CD109: variants seen among roughly 807,000 people sequenced by gnomAD.
CD109 encodes the protein CD109 molecule, also known as CD109 antigen.
Under a neutral mutation model 165.8 loss-of-function variants are expected in CD109, and 149 were observed. The observed-to-expected ratio is 0.90, with a 90% CI of 0.79 to 1.03. CD109 has a LOEUF of 1.03. CD109 is among the 50% of genes least tolerant of loss of function. The pLI is 0.00. For missense variants in CD109, 1,712 were observed against 1,677.8 expected, an observed-to-expected ratio of 1.02 and a Z score of -0.36; for synonymous variants, 585 against 592.1, an observed-to-expected ratio of 0.99 and a Z score of 0.18.
upstream of CD109, chr6:73,694,657 G>A (rs997707279): frequency 2.0e-4 from 31 of 152,226 alleles, no homozygotes; most frequent in African/African-American, 7.0e-4. Flanking sequence ...GTCTGCTAAA[G>A]TAAAGCAGAA....
chr6:73,681,242 G>A, the CD109 span, among the ~76,000 whole-genome samples: 1 of 151,822 alleles, frequency 6.6e-6, no homozygotes, highest in Admixed American at 6.6e-5. Context: ...TGTGATATAT[G>A]TGATGTTTGA....
In CD109 at chr6:73,700,790, G is replaced by GTTTTTTTTTTTTTT. The variant is rs58140668; in HGVS notation, c.247+3234_247+3247dup. ...CTACATTTATTGGGGATTGATTGTA[G>GTTTTTTTTTTTTTT]TTTTTTTTTTTTTTTTTTTTTTTTT... On this transcript the variant is annotated intron_variant, in intron 2 of 32. Transcript: ENST00000287097. 9.7e-5 allele frequency among the ~76,000 whole-genome samples: 5 copies of GTTTTTTTTTTTTTT among 51,478 alleles called. 1 individual carries two copies. The highest frequency in any genetic ancestry group is 2.4e-4 in the African/African-American group (3 of 12,442). The allele number at this position is 51,478 out of a possible 152,430, so 33.8% of individuals were successfully genotyped here.
intron 22 of CD109, among the ~76,000 whole-genome samples, chr6:73,791,190 T>TATATATATATATATATATATAC (rs1352766740): frequency 1.5e-4 from 2 of 13,534 alleles, no homozygotes; most frequent in African/African-American, 4.7e-4. Flanking sequence ...CACACACACA[T>TATATATATATATATATATATAC]ACATATATAT....
intron 22 of CD109, 139 bp downstream of exon 22, chr6:73,788,751 ATTATAAT>A (rs1774799123): frequency 1.2e-5 from 8 of 676,964 alleles, no homozygotes; most frequent in Non-Finnish European, 1.9e-5. Context: ...CCAACAACTC[ATTATAAT>A]ATGAAGGCTA....
intron 24 of CD109, among the ~76,000 whole-genome samples, chr6:73,805,395 C>T (rs575190339): frequency 6.6e-6 from 1 of 152,338 alleles, no homozygotes; most frequent in Admixed American, 6.5e-5. Flanking sequence ...GCCCGCATGT[C>T]CCACCTCCAG....
chr6:73,692,131 A>G (rs1582017345), upstream of CD109, among the ~76,000 whole-genome samples: 1 of 152,234 alleles, frequency 6.6e-6, no homozygotes, highest in East Asian at 1.9e-4. Context: ...ATCTGCCCCC[A>G]TGATTCAATC....
rs184405769 is a variant in CD109 at position 73,767,416 on chromosome 6, C to T, written c.1497+406C>T. ...TCTTTTTTATAGCTGCATAGTATTC[C>T]GTAGTATATGTGCACCACGTTTTCT... is the stretch of plus-strand genomic sequence containing the variant. On this transcript the variant is annotated intron_variant, in intron 13 of 32. Transcript: ENST00000287097. Among the ~76,000 whole-genome samples, 52 of 152,206 alleles carry T rather than the reference C, an allele frequency of 3.4e-4. No individual in the cohort carries two copies. In the East Asian group the frequency reaches 7.3e-3, roughly 21 times the overall value.
intron 24 of CD109, among the ~76,000 whole-genome samples, chr6:73,806,175 T>C (rs1264022915): frequency 6.6e-6 from 1 of 152,128 alleles, no homozygotes; most frequent in African/African-American, 2.4e-5. Flanking sequence ...TGGAATACTA[T>C]GCAGCCATAA....
At chr6:73,781,777 A>G (rs1286452652) in intron 17 of CD109, among the ~76,000 whole-genome samples, 1 of 150,314 alleles carries the variant, frequency 6.7e-6, no homozygotes, top group Non-Finnish European at 1.5e-5. Context: ...ACACAGACAC[A>G]GACACACACA....
In CD109 at chr6:73,827,065, T is replaced by A. The variant is rs2150318661; in HGVS notation, c.*3432T>A. On this transcript the variant is annotated 3_prime_UTR_variant, in exon 33 of 33. Transcript: ENST00000287097. The stretch of plus-strand genomic sequence containing the variant: ...ATTTTTTAAAAAAGAATTATTTTAT[T>A]AACCTGCTGGCATATAATCTGGAGT... 1 of 152,342 alleles carries A rather than the reference T, an allele frequency of 6.6e-6. No individual in the cohort carries two copies. The highest frequency in any genetic ancestry group is 1.5e-5 in the Non-Finnish European group (1 of 68,020). 9.4% of individuals were successfully genotyped at this position (152,342 alleles called of 1,614,324 possible).
Position 73,812,271 on chromosome 6 carries a change from G to A in CD109, c.3768+1G>A, listed in dbSNP as rs748375798. ...TGGTTTTGGATTTGCTATTTGTCAG[G>A]TATGTAACGATGCTTATTTTTTTAA... On this transcript the variant is annotated splice_donor_variant, in intron 29 of 32. Coordinates refer to ENST00000287097, the MANE Select transcript of CD109 (RefSeq NM_133493.5). LOFTEE classifies it high-confidence loss of function. 5.9e-5 allele frequency: 94 copies of A among 1,591,708 alleles called. 1 individual carries two copies. The highest frequency in any genetic ancestry group is 1.7e-4 in the Admixed American group (10 of 59,244).
chr6:73,719,235 A>T (rs939350869), intron 2 of CD109, among the ~76,000 whole-genome samples: 7 of 152,220 alleles, frequency 4.6e-5, no homozygotes, highest in African/African-American at 1.7e-4. Flanking sequence ...AAGAGTTGCT[A>T]GTTAATCTTG....
the CD109 span, among the ~76,000 whole-genome samples, chr6:73,683,020 G>A: frequency 6.6e-6 from 1 of 152,208 alleles, no homozygotes; most frequent in Admixed American, 6.5e-5. Flanking sequence ...GGGAGGGGCT[G>A]CTGCAAAGTT....
At chr6:73,796,699 T>G (rs1775177801) in intron 23 of CD109, among the ~76,000 whole-genome samples, 1 of 152,146 alleles carries the variant, frequency 6.6e-6, no homozygotes, top group Non-Finnish European at 1.5e-5. Context: ...ATCATCCTAA[T>G]GTGGATATTG....
chr6:73,695,380 G>A (rs1370891722), upstream of CD109: 2 of 152,254 alleles, frequency 1.3e-5, no homozygotes, highest in Admixed American at 6.5e-5. Flanking sequence ...ATTCTGACAG[G>A]AGAGCCAACC....
chr6:73,764,467 C>T (rs1773757960), intron 10 of CD109, among the ~76,000 whole-genome samples: 1 of 152,144 alleles, frequency 6.6e-6, no homozygotes, highest in African/African-American at 2.4e-5. Context: ...TGTTTACAAA[C>T]ATACTGGATT....
chr6:73,789,536 C>T lies in CD109; in HGVS notation c.2701+924C>T, dbSNP rs189413653. ...TGGCGCGAACTTGGCTCACTGCAAG[C>T]TCTGCTTCCCAGGTTCACGCCATTC... On this transcript the variant is annotated intron_variant, in intron 22 of 32. Coordinates refer to ENST00000287097, the MANE Select transcript of CD109 (RefSeq NM_133493.5). 6.5e-3 allele frequency among the ~76,000 whole-genome samples: 982 copies of T among 151,948 alleles called. 7 individuals carry two copies. Among genetic ancestry groups the T allele is most frequent in the African/African-American group, 0.022 (900 of 41,454 alleles).
Position 73,758,229 on chromosome 6 carries a change from T to C in CD109, c.674-715T>C, listed in dbSNP as rs898578768. 1.1e-4 allele frequency among the ~76,000 whole-genome samples: 16 copies of C among 152,264 alleles called. No homozygotes were observed. The South Asian group carries it at 3.3e-3, about 32-fold the overall frequency. On this transcript the variant is annotated intron_variant, in intron 6 of 32. Coordinates refer to ENST00000287097, the MANE Select transcript of CD109 (RefSeq NM_133493.5). ...TGATACTTCTCTTATGTTAATTGAA[T>C]GGTGAGGTGCCTTGTTATGAGAGTG...
chr6:73,780,566 G>A (rs1774446833), intron 16 of CD109, 68 bp downstream of exon 16: 3 of 1,008,704 alleles, frequency 3.0e-6, no homozygotes, highest in African/African-American at 1.6e-5. Context: ...TTCAGAATTA[G>A]TGATCATTTT....
Sources: gnomAD v4.1 joint callset for allele counts (sites outside exome capture counted in the v4.1 genomes callset) on GRCh38, gnomAD v4.1.1 for gene constraint, MANE v1.5 for transcripts, NCBI Gene and HGNC (gene_info 2026-07-23, HGNC 2026-07-21) for gene names.